EXOC6B: variants seen among roughly 807,000 people sequenced by gnomAD.
EXOC6B encodes the protein exocyst complex component 6B, also known as SEC15 homolog B.
EXOC6B carries 54 observed loss-of-function variants against 113.5 expected under a neutral mutation model. That is an observed-to-expected ratio of 0.48 (90% CI 0.38 to 0.60). The LOEUF (loss-of-function observed/expected upper bound fraction) is 0.60. Ranked by LOEUF, EXOC6B falls within the 20% of genes least tolerant of loss-of-function variation. The probability of loss-of-function intolerance (pLI) is 0.00; values close to 1 mark genes in which losing one functional copy is unlikely to be tolerated. For missense variants in EXOC6B, 797 were observed against 977.5 expected, an observed-to-expected ratio of 0.82 and a Z score of 2.46; for synonymous variants, 357 against 339.0, an observed-to-expected ratio of 1.05 and a Z score of -0.58.
At chr2:72,610,257 T>C (rs1670996737) in intron 6 of EXOC6B, among the ~76,000 whole-genome samples, 1 of 152,178 alleles carries the variant, frequency 6.6e-6, no homozygotes, top group Non-Finnish European at 1.5e-5. Context: ...TGTGTATACA[T>C]AGGTTGGCAT....
chr2:72,410,836 A>G (rs681574), intron 18 of EXOC6B, among the ~76,000 whole-genome samples: 20,655 of 152,182 alleles, frequency 0.14, 1,732 homozygotes, highest in African/African-American at 0.24. Context: ...ACTAAGAAAA[A>G]AAAATAACCA....
At chr2:72,610,012 A>T (rs1336072698) in intron 6 of EXOC6B, among the ~76,000 whole-genome samples, 1 of 152,168 alleles carries the variant, frequency 6.6e-6, no homozygotes, top group Non-Finnish European at 1.5e-5. Context: ...TGGTGAAGAT[A>T]GCCTTTGAAA....
intron 1 of EXOC6B, among the ~76,000 whole-genome samples, chr2:72,752,249 A>G (rs1056436282): frequency 6.6e-6 from 1 of 152,224 alleles, no homozygotes; most frequent in East Asian, 1.9e-4. Context: ...CCAATACACA[A>G]ATCTGTCTAT....
At chr2:72,581,200 A>G (rs1705200119) in intron 6 of EXOC6B, among the ~76,000 whole-genome samples, 4 of 152,226 alleles carry the variant, frequency 2.6e-5, no homozygotes, top group Admixed American at 2.6e-4. Flanking sequence ...GTCTCACCAA[A>G]CAAAATTAAC....
Position 72,705,022 on chromosome 2 carries a change from C to CA in EXOC6B, c.669+13080dup, listed in dbSNP as rs1160405850. ...ATACCAAAGCCAGGCAGAGACACAACAAAAAAAGAGAATTTTAGACCAATA... is the reference window on the plus strand; with the variant it reads ...ATACCAAAGCCAGGCAGAGACACAACAAAAAAAAGAGAATTTTAGACCAATA... On this transcript the variant is annotated intron_variant, in intron 6 of 21. Coordinates refer to ENST00000272427, the MANE Select transcript of EXOC6B (RefSeq NM_015189.3). Among the ~76,000 whole-genome samples the CA allele has an allele frequency of 9.7e-4, 148 of 151,826 alleles. 1 individual carries two copies. The highest frequency in any genetic ancestry group is 1.7e-3 in the East Asian group (9 of 5,168).
intron 11 of EXOC6B, among the ~76,000 whole-genome samples, chr2:72,510,845 C>CA (rs1159216117): frequency 3.3e-5 from 5 of 151,234 alleles, no homozygotes; most frequent in East Asian, 1.9e-4. Flanking sequence ...ACTACCACTA[C>CA]AAAAAAAATG....
intron 10 of EXOC6B, among the ~76,000 whole-genome samples, chr2:72,513,949 A>G (rs938426547): frequency 1.3e-5 from 2 of 152,132 alleles, no homozygotes; most frequent in Admixed American, 6.6e-5. Flanking sequence ...GAAAAAAATA[A>G]ACCTGATGAA....
chr2:72,445,672 A>G (rs1314937503), intron 18 of EXOC6B, among the ~76,000 whole-genome samples: 1 of 152,088 alleles, frequency 6.6e-6, no homozygotes, highest in Non-Finnish European at 1.5e-5. Context: ...ATCAGATCTC[A>G]TGAGACTTAT....
At chr2:72,664,420 G>A (rs999401310) in intron 6 of EXOC6B, among the ~76,000 whole-genome samples, 2 of 152,124 alleles carry the variant, frequency 1.3e-5, no homozygotes, top group African/African-American at 4.8e-5. Flanking sequence ...GTGACATTGA[G>A]GGTGGGATGG....
At chr2:72,359,278 C>T (rs1040372907) in intron 19 of EXOC6B, among the ~76,000 whole-genome samples, 3 of 152,122 alleles carry the variant, frequency 2.0e-5, no homozygotes, top group African/African-American at 7.2e-5. Flanking sequence ...GGCATAAGGG[C>T]TCAGCCATCA....
chr2:72,576,146 A>G (rs146806425), intron 6 of EXOC6B, among the ~76,000 whole-genome samples: 2,975 of 152,262 alleles, frequency 0.02, 45 homozygotes, highest in Non-Finnish European at 0.033. Flanking sequence ...TTTAGGCTTA[A>G]GAGACTGTTA....
At chr2:72,805,994 A>G (rs1178808872) in intron 1 of EXOC6B, among the ~76,000 whole-genome samples, 1 of 152,162 alleles carries the variant, frequency 6.6e-6, no homozygotes, top group Non-Finnish European at 1.5e-5. Flanking sequence ...AGTATTCCAC[A>G]GTATATATAA....
chr2:72,429,494 CATTCTCTGAAACACTTT>C (rs554693496), intron 18 of EXOC6B, among the ~76,000 whole-genome samples: 1 of 152,302 alleles, frequency 6.6e-6, no homozygotes, highest in South Asian at 2.1e-4. Flanking sequence ...TAATGATAAT[CATTCTCTGAAACACTTT>C]TGGAATTCCC....
chr2:72,621,719 G>A (rs1038891202), intron 6 of EXOC6B, among the ~76,000 whole-genome samples: 7 of 152,118 alleles, frequency 4.6e-5, no homozygotes, highest in Non-Finnish European at 7.4e-5. Context: ...ACTTCAAAAT[G>A]AAACCAATTT....
intron 6 of EXOC6B, 91 bp downstream of exon 6, chr2:72,718,012 G>C: frequency 1.1e-6 from 1 of 883,324 alleles, no homozygotes; most frequent in Non-Finnish European, 1.7e-6. Context: ...ACTTGGATAA[G>C]ATAATGACTA....
chr2:72,663,160 G>A (rs1056139363), intron 6 of EXOC6B, among the ~76,000 whole-genome samples: 1 of 152,146 alleles, frequency 6.6e-6, no homozygotes, highest in African/African-American at 2.4e-5. Flanking sequence ...TAAACAACTT[G>A]TAATACATCC....
intron 18 of EXOC6B, among the ~76,000 whole-genome samples, chr2:72,384,516 A>G (rs1453709886): frequency 1.3e-5 from 2 of 152,108 alleles, no homozygotes; most frequent in African/African-American, 4.8e-5. Context: ...AGTGCTAGTC[A>G]CGGTAGTTAG....
intron 6 of EXOC6B, among the ~76,000 whole-genome samples, chr2:72,630,344 C>G (rs1672309623): frequency 6.6e-6 from 1 of 152,132 alleles, no homozygotes; most frequent in Non-Finnish European, 1.5e-5. Context: ...ACACAAACAT[C>G]CAGGTTGTCA....
Position 72,733,748 on chromosome 2 carries a change from C to T in EXOC6B, c.280-630G>A, listed in dbSNP as rs72916262. On this transcript the variant is annotated intron_variant, in intron 2 of 21. Coordinates refer to ENST00000272427, the MANE Select transcript of EXOC6B (RefSeq NM_015189.3). Reference sequence around the variant, plus strand: ...TACTTTTTTTGATATTCACTCTTGACATTTCAATGATGGAAAAAATTAATT... The same window carrying T: ...TACTTTTTTTGATATTCACTCTTGATATTTCAATGATGGAAAAAATTAATT... Among the ~76,000 whole-genome samples the T allele has an allele frequency of 5.1e-4, 78 of 152,262 alleles. 1 individual carries two copies. The highest frequency in any genetic ancestry group is 1.9e-3 in the African/African-American group (77 of 41,536).
Sources: allele counts gnomAD v4.1 joint callset (sites outside exome capture counted in the v4.1 genomes callset), GRCh38; gene constraint gnomAD v4.1.1; transcripts MANE v1.5; gene names NCBI Gene and HGNC (gene_info 2026-07-23, HGNC 2026-07-21).